IQSEC3: variants seen among roughly 807,000 people sequenced by gnomAD.
IQSEC3 encodes the protein IQ motif and SEC7 domain-containing protein 3.
IQSEC3 carries 50 observed loss-of-function variants against 105.4 expected under a neutral mutation model. That is an observed-to-expected ratio of 0.47 (90% confidence interval 0.38 to 0.60). The LOEUF (loss-of-function observed/expected upper bound fraction) is 0.60. Ranked by LOEUF, IQSEC3 falls within the 20% of genes least tolerant of loss-of-function variation. The pLI, the probability that IQSEC3 is intolerant of heterozygous loss-of-function variation, is 0.00. For synonymous variants in IQSEC3, 708 were observed against 746.0 expected (o/e 0.95, Z 0.83); for missense variants, 1,415 against 1,630.0 (o/e 0.87, Z 2.27).
At chr12:137,927 A>C (rs1865834547) in intron 3 of IQSEC3, among the ~76,000 whole-genome samples, 1 of 151,774 alleles carries the variant, frequency 6.6e-6, no homozygotes, top group Admixed American at 6.6e-5. Context: ...GCCTCCCAAG[A>C]TGCTAGGACT....
At chr12:116,972 T>G (rs1438642037) in intron 2 of IQSEC3, among the ~76,000 whole-genome samples, 1 of 152,244 alleles carries the variant, frequency 6.6e-6, no homozygotes, top group African/African-American at 2.4e-5. Flanking sequence ...CATGTGGATA[T>G]TTTTCTGTAT....
intron 2 of IQSEC3, among the ~76,000 whole-genome samples, chr12:103,333 G>A (rs1555076735): frequency 6.7e-6 from 1 of 149,040 alleles, no homozygotes; most frequent in Non-Finnish European, 1.5e-5. Context: ...GGAGAGGGTG[G>A]GGCTCAGGAG....
intron 13 of IQSEC3, among the ~76,000 whole-genome samples, chr12:173,717 G>A (rs1010914316): frequency 4.6e-5 from 7 of 152,184 alleles, no homozygotes; most frequent in Non-Finnish European, 5.9e-5. Flanking sequence ...GGGAGCTTGC[G>A]GGTGGAACGG....
intron 7 of IQSEC3, among the ~76,000 whole-genome samples, chr12:160,994 G>GT (rs797036825): frequency 4.5e-4 from 69 of 152,160 alleles, no homozygotes; most frequent in African/African-American, 1.5e-3. Context: ...TTTCTCCTTG[G>GT]TTTTTCTCAC....
chr12:172,602 A>T (rs1939066375), intron 13 of IQSEC3, among the ~76,000 whole-genome samples: 1 of 152,030 alleles, frequency 6.6e-6, no homozygotes, highest in Non-Finnish European at 1.5e-5. Flanking sequence ...CCTCAGCTGG[A>T]CCCCAGGCTC....
At chr12:88,981 AATATGAATCCCCCAC>A (rs1555072721) in intron 1 of IQSEC3, among the ~76,000 whole-genome samples, 1 of 152,196 alleles carries the variant, frequency 6.6e-6, no homozygotes, top group African/African-American at 2.4e-5. Flanking sequence ...GTCTTGCTTG[AATATGAATCCCCCAC>A]AGTTCAGTAA....
At chr12:72,293 T>G in intron 1 of IQSEC3, among the ~76,000 whole-genome samples, 3 of 150,296 alleles carry the variant, frequency 2.0e-5, no homozygotes, top group African/African-American at 2.5e-5. Flanking sequence ...GCAGCTGGGG[T>G]CGGGGCTGGG....
At chr12:123,248 A>T (rs948469382) in intron 2 of IQSEC3, among the ~76,000 whole-genome samples, 1 of 152,098 alleles carries the variant, frequency 6.6e-6, no homozygotes, top group African/African-American at 2.4e-5. Flanking sequence ...CTACAAAAAA[A>T]ATTTAAAAAT....
rs139551485 is a variant in IQSEC3, at chr12:129,598, C to G, written c.903+3686C>G. Among the ~76,000 whole-genome samples, 426 of 132,182 alleles carry G rather than the reference C, an allele frequency of 3.2e-3. 2 individuals carry two copies. Among genetic ancestry groups the G allele is most frequent in the African/African-American group, 0.011 (406 of 36,222 alleles). The allele number at this position is 132,182 out of a possible 152,430, so 86.7% of individuals were successfully genotyped here. A position where few individuals can be genotyped will look rare whatever the true frequency, so the allele number is the denominator to read the frequency against. On this transcript the variant is annotated intron_variant, in intron 3 of 13. Coordinates refer to ENST00000538872, the MANE Select transcript of IQSEC3 (RefSeq NM_001170738.2). ...GAGCATGCAGGTCCCTTTGGGGAGCCCTTTAGGAATAGAGGGCCTAGGTGT... is the reference window on the plus strand; with the variant it reads ...GAGCATGCAGGTCCCTTTGGGGAGCGCTTTAGGAATAGAGGGCCTAGGTGT...
chr12:89,793 C>T (rs1555072920), intron 1 of IQSEC3, among the ~76,000 whole-genome samples: 1 of 152,092 alleles, frequency 6.6e-6, no homozygotes, highest in African/African-American at 2.4e-5. Context: ...CTTTTTATTG[C>T]TGAATAGTAT....
Position 66,793 on chromosome 12 carries a change from G to A in IQSEC3, c.-90G>A. On this transcript the variant is annotated 5_prime_UTR_variant, in exon 1 of 14. Transcript: ENST00000538872. ...GGCTGGGCCGGTGGGAGAGGGAGGC[G>A]AGCCGACCGCTGGGCTGCTGGGCTC... 3.3e-6 allele frequency: 4 copies of A among 1,209,814 alleles called. No individual in the cohort carries two copies. Among genetic ancestry groups the A allele is most frequent in the East Asian group, 3.2e-5 (1 of 30,814 alleles). The allele number at this position is 1,209,814 out of a possible 1,614,324, so 74.9% of individuals were successfully genotyped here.
chr12:131,738 G>T (rs1158538158), intron 3 of IQSEC3, among the ~76,000 whole-genome samples: 3 of 151,956 alleles, frequency 2.0e-5, no homozygotes, highest in South Asian at 2.1e-4. Flanking sequence ...GAGCATTGAG[G>T]GTGGGGAGGA....
chr12:95,787 GAGAT>G (rs1555074653), intron 1 of IQSEC3, among the ~76,000 whole-genome samples: 1 of 152,188 alleles, frequency 6.6e-6, no homozygotes, highest in Non-Finnish European at 1.5e-5. Flanking sequence ...TCCAGACTGA[GAGAT>G]AGACTGCTAA....
At position 80,251 on chromosome 12, in the gene IQSEC3, G is replaced by A. The variant is rs139432034; in HGVS notation, c.554+12815G>A. Among the ~76,000 whole-genome samples the A allele has an allele frequency of 4.9e-3, 753 of 152,256 alleles. 1 individual carries two copies. The highest frequency in any genetic ancestry group is 9.3e-3 in the Non-Finnish European group (630 of 68,028). On this transcript the variant is annotated intron_variant, in intron 1 of 13. Transcript: ENST00000538872. ...AATACGATTCGGCAAGTGCTTCTCCGTCTGAAAACTCCAGCTTGGTTCACT... is the reference window on the plus strand; with the variant it reads ...AATACGATTCGGCAAGTGCTTCTCCATCTGAAAACTCCAGCTTGGTTCACT...
intron 11 of IQSEC3, chr12:166,747 G>C (rs569151035): frequency 6.6e-6 from 1 of 152,224 alleles, no homozygotes; most frequent in African/African-American, 2.4e-5. Flanking sequence ...AAGGCAGGGA[G>C]AGTTTTTGAG....
At chr12:128,737 G>A (rs1865497009) in intron 3 of IQSEC3, among the ~76,000 whole-genome samples, 3 of 152,112 alleles carry the variant, frequency 2.0e-5, no homozygotes, top group Admixed American at 2.0e-4. Flanking sequence ...CCTTCCTCTT[G>A]CCTGCACGCC....
At chr12:76,450 G>C (rs1555069189) in intron 1 of IQSEC3, among the ~76,000 whole-genome samples, 1 of 152,252 alleles carries the variant, frequency 6.6e-6, no homozygotes, top group South Asian at 2.1e-4. Context: ...CTATACTAAA[G>C]ATGCATAGGC....
chr12:174,977 C>T lies in IQSEC3; in HGVS notation c.3493C>T (p.Pro1165Ser). 1.3e-6 allele frequency: 2 copies of T among 1,577,898 alleles called. No homozygotes were observed. Residue 1165 changes from proline (P) to serine (S), a missense_variant, in exon 14 of 14, where the codon CCA becomes TCA. Around this residue, in one of 6 missense-constraint regions of IQSEC3, gnomAD observed 419 missense variants for 436.2 expected, o/e 0.96. Coordinates refer to ENST00000538872, the MANE Select transcript of IQSEC3 (RefSeq NM_001170738.2). ...CAACCACCCTCACCAGTTCTGTCCC[C>T]CAGGCTCCCTGCTGCACGGGCACCG... ...PYNHPHQFCP[P>S]GSLLHGHRYS...
chr12:117,015 A>G (rs1353701252), intron 2 of IQSEC3, among the ~76,000 whole-genome samples: 1 of 152,226 alleles, frequency 6.6e-6, no homozygotes, highest in Non-Finnish European at 1.5e-5. Flanking sequence ...ATTTGCATAT[A>G]TAAAATACCT....
Sources: gnomAD v4.1 joint callset for allele counts (sites outside exome capture counted in the v4.1 genomes callset) on GRCh38, gnomAD v4.1.1 for gene constraint, gnomAD v4.1.1 regional missense constraint, MANE v1.5 for transcripts, NCBI Gene and HGNC (gene_info 2026-07-23, HGNC 2026-07-21) for gene names.